TSPEAR: variants seen among roughly 807,000 people sequenced by gnomAD.
TSPEAR encodes thrombospondin type laminin G domain and EAR repeats, also known as thrombospondin-type laminin G domain and EAR repeat-containing protein.
TSPEAR carries 69 observed loss-of-function variants against 71.6 expected under a neutral mutation model. The observed-to-expected ratio is 0.96, with a 90% CI of 0.79 to 1.18. The LOEUF is 1.18. TSPEAR is among the 50% of genes most tolerant of loss of function. The pLI is 0.00. For missense variants in TSPEAR, 971 were observed against 894.9 expected (o/e 1.09, Z -1.09); for synonymous variants, 402 against 387.2 (o/e 1.04, Z -0.45).
chr21:44,597,687 C>T (rs1448106688), intron 1 of TSPEAR, among the ~76,000 whole-genome samples: 1 of 152,142 alleles, frequency 6.6e-6, no homozygotes, highest in African/African-American at 2.4e-5. Context: ...CTGCCCCAGC[C>T]TCCCACAGTG....
intron 2 of TSPEAR, chr21:44,558,017 C>T: frequency 1.3e-6 from 2 of 1,577,896 alleles, no homozygotes; most frequent in Non-Finnish European, 1.7e-6. Flanking sequence ...AGAGATGGCC[C>T]TGGAACAACT....
intron 1 of TSPEAR, among the ~76,000 whole-genome samples, chr21:44,650,189 C>T (rs1984692084): frequency 6.6e-6 from 1 of 150,780 alleles, no homozygotes. Flanking sequence ...GCACTCCAGC[C>T]TGGGTGACCA....
rs1212166595 is a variant in TSPEAR, at chr21:44,655,448, G to C, written c.82+55985C>G. Among the ~76,000 whole-genome samples, 21 of 152,088 alleles carry C rather than the reference G, an allele frequency of 1.4e-4. No individual in the cohort carries two copies. The East Asian group carries it at 3.4e-3, about 25-fold the overall frequency. Reference sequence around the variant, plus strand: ...ATGGCTCAGGCGTGTGACCACAGTGGGCTTCCTGACACCACACCTCAGAAG... The same window carrying C: ...ATGGCTCAGGCGTGTGACCACAGTGCGCTTCCTGACACCACACCTCAGAAG... On this transcript the variant is annotated intron_variant, in intron 1 of 11. Coordinates refer to ENST00000323084, the MANE Select transcript of TSPEAR (RefSeq NM_144991.3).
intron 1 of TSPEAR, among the ~76,000 whole-genome samples, chr21:44,585,699 C>T (rs1979291800): frequency 6.6e-6 from 1 of 152,140 alleles, no homozygotes; most frequent in African/African-American, 2.4e-5. Flanking sequence ...ATTTCAGTCT[C>T]CAGGAATCCA....
At chr21:44,579,578 C>A (rs1176702982) in intron 1 of TSPEAR, 6 of 740,884 alleles carry the variant, frequency 8.1e-6, no homozygotes, top group Admixed American at 2.9e-5. Context: ...GCAGGTGGGC[C>A]CCTGCTGGGA....
intron 1 of TSPEAR, among the ~76,000 whole-genome samples, chr21:44,679,019 G>A (rs782567513): frequency 6.6e-5 from 10 of 152,160 alleles, no homozygotes; most frequent in Middle Eastern, 3.4e-3. Context: ...CAACCTTGAC[G>A]TTATCCTACT....
At chr21:44,522,177 G>T (rs73377696) in intron 8 of TSPEAR, 65 bp from the exon 9 acceptor site, 12 of 1,502,944 alleles carry the variant, frequency 8.0e-6, no homozygotes, top group Non-Finnish European at 1.1e-5. Context: ...CAGCCCCGAC[G>T]GAGGCAGAGC....
chr21:44,585,472 A>C (rs1197755527), intron 1 of TSPEAR, among the ~76,000 whole-genome samples: 1 of 151,990 alleles, frequency 6.6e-6, no homozygotes, highest in Non-Finnish European at 1.5e-5. Flanking sequence ...ATTTTCTTTC[A>C]TTCTTGGCTT....
At position 44,567,793 on chromosome 21, in the gene TSPEAR, G is replaced by C; in HGVS notation, c.295C>G (p.Pro99Ala). The C allele has an allele frequency of 1.3e-6, 2 of 1,569,112 alleles. No homozygotes were observed. Among genetic ancestry groups the C allele is most frequent in the Non-Finnish European group, 1.7e-6 (2 of 1,155,794 alleles). ...CAGAAAGTGCCACTGACCTTGGGTG[G>C]AAGATTGGGAACTCTCAAAGTTACG... is the stretch of plus-strand genomic sequence containing the variant. ...IVVTLRVPNL[P>A]PKRNEYLLTV... The change falls in exon 2 of 12, where the codon CCA becomes GCA. Residue 99 changes from proline to alanine, a missense_variant. Pro to Ala is a conservative substitution (Grantham distance 27, BLOSUM62 -1). Coordinates refer to ENST00000323084, the MANE Select transcript of TSPEAR (RefSeq NM_144991.3).
chr21:44,676,949 T>C lies in TSPEAR; in HGVS notation c.82+34484A>G, dbSNP rs1376626677. On this transcript the variant is annotated intron_variant, in intron 1 of 11. Coordinates refer to ENST00000323084, the MANE Select transcript of TSPEAR (RefSeq NM_144991.3). ...GCAATCAGGGAGTTCAGATCATCAG[T>C]AGAGAGCTTGTCAGCTGGGTCCGAA... The C allele has an allele frequency of 1.4e-5, 13 of 910,436 alleles. No individual in the cohort carries two copies. The East Asian group carries it at 3.1e-4, about 22-fold the overall frequency. 56.4% of individuals were successfully genotyped at this position (910,436 alleles called of 1,614,324 possible).
rs587746174 is a variant in TSPEAR at position 44,573,709 on chromosome 21, C to T, written c.83-5704G>A. ...CGAGCACCTCACTCACTCGCTCACCCACTCCCTCCCATCTCCCCCAGCTCA... is the reference window on the plus strand; with the variant it reads ...CGAGCACCTCACTCACTCGCTCACCTACTCCCTCCCATCTCCCCCAGCTCA... On this transcript the variant is annotated intron_variant, in intron 1 of 11. Transcript: ENST00000323084. 54 of 1,585,422 alleles carry T rather than the reference C, an allele frequency of 3.4e-5. 1 individual carries two copies. In the South Asian group the frequency reaches 5.2e-4, roughly 15 times the overall value.
chr21:44,581,903 T>C (rs1979002416), intron 1 of TSPEAR, among the ~76,000 whole-genome samples: 1 of 152,212 alleles, frequency 6.6e-6, no homozygotes, highest in African/African-American at 2.4e-5. Flanking sequence ...CCTGATCCAG[T>C]TTACATTCTA....
chr21:44,645,202 G>T (rs587689997), intron 1 of TSPEAR, among the ~76,000 whole-genome samples: 1 of 152,284 alleles, frequency 6.6e-6, no homozygotes, highest in African/African-American at 2.4e-5. Flanking sequence ...AATGAAAATT[G>T]AAATAATCCA....
chr21:44,675,348 A>G (rs1490543263), intron 1 of TSPEAR, among the ~76,000 whole-genome samples: 7 of 152,384 alleles, frequency 4.6e-5, no homozygotes, highest in Non-Finnish European at 1.0e-4. Flanking sequence ...CAATAGATGC[A>G]GAAAAAGCAT....
In TSPEAR at chr21:44,612,813, G is replaced by A. The variant is rs587739549; in HGVS notation, c.83-44808C>T. On this transcript the variant is annotated intron_variant, in intron 1 of 11. Coordinates refer to ENST00000323084, the MANE Select transcript of TSPEAR (RefSeq NM_144991.3). This position sits in a 1 kb window ranked among gnomAD's most constrained non-coding sequence, Gnocchi z 4.1. ...GTCCCTGCCTCCTCCTGCCAGCCCA[G>A]CTGCTGCCACCCGGCCTCCTGCCTG... The A allele has an allele frequency of 1.1e-5, 17 of 1,612,812 alleles. No individual in the cohort carries two copies. The Middle Eastern group carries it at 5.2e-4, about 49-fold the overall frequency.
chr21:44,574,701 C>A lies in TSPEAR; in HGVS notation c.83-6696G>T, dbSNP rs782112529. On this transcript the variant is annotated intron_variant, in intron 1 of 11. Coordinates refer to ENST00000323084, the MANE Select transcript of TSPEAR (RefSeq NM_144991.3). ...TTGCTGCACCTCCTCCCAAAGCCAG[C>A]AGGGCTGCTGCGTGCCCGTCTGCTG... The A allele has an allele frequency of 6.2e-6, 10 of 1,608,852 alleles. No homozygotes were observed. The East Asian group carries it at 1.8e-4, about 29-fold the overall frequency.
chr21:44,557,837 G>C, intron 2 of TSPEAR: 1 of 617,846 alleles, frequency 1.6e-6, no homozygotes. Context: ...TCACTCACAT[G>C]GGGCAGGACA....
Position 44,522,019 on chromosome 21 carries a change from T to C in TSPEAR, c.1430A>G (p.Tyr477Cys), listed in dbSNP as rs1444132800. The C allele has an allele frequency of 1.9e-6, 3 of 1,613,942 alleles. No homozygotes were observed. In the African/African-American group the frequency reaches 4.0e-5, roughly 22 times the overall value. The change falls in exon 9 of 12, where the codon TAC becomes TGC. Residue 477 changes from tyrosine to cysteine, a missense_variant. By Grantham distance (194) the Tyr-to-Cys change is radical (BLOSUM62 -2). Coordinates refer to ENST00000323084, the MANE Select transcript of TSPEAR (RefSeq NM_144991.3). ...ANQTIATSGA[Y>C]DWEFFSVGPY... is the part of the protein sequence containing the mutation. ...CCCCACACTGAAGAACTCCCAGTCG[T>C]AGGCGCCGGAGGTGGCGATGGTCTG... is the stretch of plus-strand genomic sequence containing the variant.
intron 1 of TSPEAR, chr21:44,574,312 C>T: frequency 1.2e-6 from 2 of 1,611,884 alleles, no homozygotes; most frequent in South Asian, 1.1e-5. Flanking sequence ...GTGTCCAGCC[C>T]CTGCTGCCAG....
Sources: allele counts gnomAD v4.1 joint callset (sites outside exome capture counted in the v4.1 genomes callset), GRCh38; gene constraint gnomAD v4.1.1; non-coding constraint Gnocchi (gnomAD v3.1); transcripts MANE v1.5; gene names NCBI Gene and HGNC (gene_info 2026-07-23, HGNC 2026-07-21).